The following LOX variants were observed in gnomAD, a reference collection of about 807,000 sequenced individuals.
LOX encodes the protein protein-lysine 6-oxidase.
LOX carries 12 observed loss-of-function variants against 50.5 expected under a neutral mutation model. The ratio of observed to expected loss-of-function variants is 0.24; its 90% CI spans 0.15 to 0.38. LOX has a LOEUF of 0.38. Among genes scored for constraint, LOX ranks in the 10% least tolerant of loss-of-function variants. LOX has a pLI of 1.00. For missense variants in LOX, 504 were observed against 563.8 expected, an observed-to-expected ratio of 0.89 and a Z score of 1.07; for synonymous variants, 254 against 230.6, an observed-to-expected ratio of 1.10 and a Z score of -0.92.
Position 122,077,672 on chromosome 5 carries a change from C to T in LOX, c.314G>A (p.Arg105Gln). ...GGTGACTCCAGATGAGCCGGCCGTC[C>T]GCGTTCGCGCCGCGGCGGTGCGGTT... ...RDNRTAAARTRTAGSSGVTAG... is the reference protein window; with the variant it reads ...RDNRTAAARTQTAGSSGVTAG... Residue 105 changes from arginine (R) to glutamine (Q), a missense_variant, in exon 1 of 7, where the codon CGG becomes CAG. By Grantham distance (43) the Arg-to-Gln change is conservative (BLOSUM62 1). Transcript: ENST00000231004. The surrounding 1 kb of genome is among the most constrained non-coding windows in gnomAD (Gnocchi z 4.9). 1 of 1,603,670 alleles carries T rather than the reference C, an allele frequency of 6.2e-7. No homozygotes were observed. Among genetic ancestry groups the T allele is most frequent in the African/African-American group, 1.3e-5 (1 of 74,868 alleles).
At position 122,077,889 on chromosome 5, in the gene LOX, G is replaced by T; in HGVS notation, c.97C>A (p.Arg33Ser). The change falls in exon 1 of 7, where the codon CGC (arginine) becomes AGC (serine). Residue 33 changes from arginine to serine, a missense_variant. Physicochemically the swap from Arg to Ser is moderately radical, Grantham distance 110. Coordinates refer to ENST00000231004, the MANE Select transcript of LOX (RefSeq NM_002317.7). The surrounding 1 kb of genome is among the most constrained non-coding windows in gnomAD (Gnocchi z 4.9). The stretch of plus-strand genomic sequence containing the variant: ...GCGCCCGGAGCCGCCGGCGGCTCGC[G>T]CGGGGGCTGCTGTTGGCCGGCGGCG... The part of the protein sequence containing the change: ...PPAAGQQQPP[R>S]EPPAAPGAWR... The T allele has an allele frequency of 6.5e-7, 1 of 1,532,798 alleles. No homozygotes were observed. The highest frequency in any genetic ancestry group is 2.5e-5 in the East Asian group (1 of 39,534). The allele number at this position is 1,532,798 out of a possible 1,614,324, so 94.9% of individuals were successfully genotyped here.
intron 6 of LOX, among the ~76,000 whole-genome samples, chr5:122,068,792 AAC>A (rs1754371466): frequency 6.6e-6 from 1 of 152,180 alleles, no homozygotes; most frequent in African/African-American, 2.4e-5. Context: ...GGCATCAACA[AAC>A]AGTACAAAAA....
chr5:122,070,004 C>T, intron 6 of LOX, 49 bp downstream of exon 6: 1 of 1,359,978 alleles, frequency 7.4e-7, no homozygotes, highest in Non-Finnish European at 1.1e-6. Context: ...TTGGCATGAA[C>T]AAAAATTATT....
At chr5:122,067,336 C>T in intron 6 of LOX, among the ~76,000 whole-genome samples, 1 of 151,922 alleles carries the variant, frequency 6.6e-6, no homozygotes, top group Non-Finnish European at 1.5e-5. Context: ...TATCTTATAA[C>T]TGAAAGAAGC....
intron 3 of LOX, 85 bp from the exon 4 acceptor site, chr5:122,074,254 C>T (rs1754549415): frequency 3.4e-6 from 4 of 1,185,630 alleles, no homozygotes. Context: ...CCCATGGCTT[C>T]ACAAATTTGT....
In LOX at chr5:122,077,563, G is replaced by T; in HGVS notation, c.423C>A (p.Arg141=). 1 of 1,613,086 alleles carries T rather than the reference G, an allele frequency of 6.2e-7. No individual in the cohort carries two copies. The highest frequency in any genetic ancestry group is 8.5e-7 in the Non-Finnish European group (1 of 1,179,852). Residue 141 remains arginine, a synonymous_variant, in exon 1 of 7, where the codon CGC becomes CGA. Transcript: ENST00000231004. The surrounding 1 kb of genome is among the most constrained non-coding windows in gnomAD (Gnocchi z 4.9). ...CTCCCGGCGCTGTCTGGTTCTCCGC[G>T]CGCGAGGCGCCAGCTTCGCGGGCTC... is the stretch of plus-strand genomic sequence containing the variant. ...TSRAREAGAS[R]AENQTAPGEV...
chr5:122,069,989 AATGTTTGGC>A (rs761996904), intron 6 of LOX, 55 bp downstream of exon 6: 9 of 1,129,206 alleles, frequency 8.0e-6, no homozygotes, highest in East Asian at 7.0e-5. Flanking sequence ...TTCTATGTAT[AATGTTTGGC>A]ATGAACAAAA....
chr5:122,072,502 AAG>A (rs1051326224), intron 4 of LOX, among the ~76,000 whole-genome samples: 6 of 152,138 alleles, frequency 3.9e-5, no homozygotes, highest in African/African-American at 1.2e-4. Flanking sequence ...CTCAGAACAC[AAG>A]AGTTATTAAT....
At chr5:122,068,957 C>T (rs1268115882) in intron 6 of LOX, among the ~76,000 whole-genome samples, 1 of 152,046 alleles carries the variant, frequency 6.6e-6, no homozygotes, top group Non-Finnish European at 1.5e-5. Context: ...GTTGGTTCTA[C>T]TATAACCAAC....
Position 122,077,842 on chromosome 5 carries a change from C to G in LOX, c.144G>C (p.Trp48Cys). ...AGCTGAACACCTGCCCGTTGTTCTC[C>G]CATTGGATCTGCTGGCGCCAGGCGC... The part of the protein sequence containing the change: ...APGAWRQQIQ[W>C]ENNGQVFSLL... Residue 48 changes from tryptophan to cysteine, a missense_variant, in exon 1 of 7, where the codon TGG (tryptophan) becomes TGC (cysteine). Transcript: ENST00000231004. This position sits in a 1 kb window ranked among gnomAD's most constrained non-coding sequence, Gnocchi z 4.9. 1.3e-6 allele frequency: 2 copies of G among 1,549,616 alleles called. No individual in the cohort carries two copies. The highest frequency in any genetic ancestry group is 1.7e-6 in the Non-Finnish European group (2 of 1,152,706).
At chr5:122,070,208 T>C (rs575168179) in intron 5 of LOX, 40 bp from the exon 6 acceptor site, 3 of 1,126,334 alleles carry the variant, frequency 2.7e-6, no homozygotes, top group South Asian at 1.2e-5. Context: ...TCTTTTTCCA[T>C]AGGGCTACAA....
rs749454059 is a variant in LOX at position 122,077,379 on chromosome 5, A to G, written c.607T>C (p.Tyr203His). ...PRPGGRYRPGYGTGYFQYGLP... is the reference protein window; with the variant it reads ...PRPGGRYRPGHGTGYFQYGLP... ...CCGTACTGGAAGTAGCCAGTGCCGT[A>G]TCCGGGCCGGTACCTGCCCCCAGGT... The change falls in exon 1 of 7, where the codon TAC becomes CAC. Residue 203 changes from tyrosine (Y) to histidine (H), a missense_variant. Tyr to His is a moderately conservative substitution (Grantham distance 83, BLOSUM62 2). Coordinates refer to ENST00000231004, the MANE Select transcript of LOX (RefSeq NM_002317.7). The surrounding 1 kb of genome is among the most constrained non-coding windows in gnomAD (Gnocchi z 4.9). 6 of 1,613,944 alleles carry G rather than the reference A, an allele frequency of 3.7e-6. No individual in the cohort carries two copies. The Admixed American group carries it at 8.3e-5, about 22-fold the overall frequency.
At chr5:122,075,374 CA>C in intron 3 of LOX, 29 bp downstream of exon 3, 1 of 1,555,856 alleles carries the variant, frequency 6.4e-7, no homozygotes, top group South Asian at 1.2e-5. Context: ...AAAAGCAACC[CA>C]AAAGTACCCA....
At position 122,077,596 on chromosome 5, in the gene LOX, C is replaced by G. The variant is rs776823071; in HGVS notation, c.390G>C (p.Ser130=). 3.7e-6 allele frequency: 6 copies of G among 1,612,428 alleles called. No individual in the cohort carries two copies. Among genetic ancestry groups the G allele is most frequent in the East Asian group, 2.2e-5 (1 of 44,870 alleles). ...CGCCAGCTTCGCGGGCTCTAGATGT[C>G]GAGTAGCCAGCTTGGAACCAGTGAC... ...TARHWFQAGY[S]TSRAREAGAS... Residue 130 remains serine (S), a synonymous_variant, in exon 1 of 7, where the codon TCG becomes TCC. Coordinates refer to ENST00000231004, the MANE Select transcript of LOX (RefSeq NM_002317.7). The surrounding 1 kb of genome is among the most constrained non-coding windows in gnomAD (Gnocchi z 4.9).
intron 6 of LOX, 66 bp downstream of exon 6, chr5:122,069,987 A>T: frequency 9.0e-7 from 1 of 1,113,224 alleles, no homozygotes; most frequent in Non-Finnish European, 1.4e-6. Flanking sequence ...CATTCTATGT[A>T]TAATGTTTGG....
At position 122,077,947 on chromosome 5, in the gene LOX, C is replaced by G; in HGVS notation, c.39G>C (p.Leu13Phe). The G allele has an allele frequency of 6.7e-7, 1 of 1,486,558 alleles. No homozygotes were observed. The highest frequency in any genetic ancestry group is 8.9e-7 in the Non-Finnish European group (1 of 1,128,638). The allele number at this position is 1,486,558 out of a possible 1,614,324, so 92.1% of individuals were successfully genotyped here. Residue 13 changes from leucine to phenylalanine, a missense_variant, in exon 1 of 7, where the codon TTG becomes TTC. By Grantham distance (22) the Leu-to-Phe change is conservative. Coordinates refer to ENST00000231004, the MANE Select transcript of LOX (RefSeq NM_002317.7). This position sits in a 1 kb window ranked among gnomAD's most constrained non-coding sequence, Gnocchi z 4.9. ...FAWTVLLLGP[L>F]QLCALVHCAP... ...CGCAGTGCACTAGCGCGCAGAGCTG[C>G]AAAGGCCCGAGCAGGAGCACGGTCC...
intron 4 of LOX, 174 bp from the exon 5 acceptor site, chr5:122,070,763 C>G: frequency 2.2e-6 from 1 of 462,754 alleles, no homozygotes; most frequent in Non-Finnish European, 3.8e-6. Context: ...CTTATAGCAC[C>G]TCCAGCTAAA....
Position 122,077,956 on chromosome 5 carries a change from G to C in LOX, c.30C>G (p.Leu10=). Residue 10 remains leucine, a synonymous_variant, in exon 1 of 7, where the codon CTC becomes CTG. Transcript: ENST00000231004. The surrounding 1 kb of genome is among the most constrained non-coding windows in gnomAD (Gnocchi z 4.9). ...CTAGCGCGCAGAGCTGCAAAGGCCCGAGCAGGAGCACGGTCCAGGCGAAGC... is the reference window on the plus strand; with the variant it reads ...CTAGCGCGCAGAGCTGCAAAGGCCCCAGCAGGAGCACGGTCCAGGCGAAGC... MRFAWTVLL[L]GPLQLCALVH... is the part of the protein sequence containing the mutation. 1 of 1,477,186 alleles carries C rather than the reference G, an allele frequency of 6.8e-7. No homozygotes were observed. The highest frequency in any genetic ancestry group is 8.9e-7 in the Non-Finnish European group (1 of 1,122,630). The allele number at this position is 1,477,186 out of a possible 1,614,324, so 91.5% of individuals were successfully genotyped here. A position where few individuals can be genotyped will look rare whatever the true frequency, so the allele number is the denominator to read the frequency against.
chr5:122,071,753 T>A (rs1410654368), intron 4 of LOX, among the ~76,000 whole-genome samples: 1 of 152,198 alleles, frequency 6.6e-6, no homozygotes. Context: ...GCAACCAATA[T>A]TGCTTTGCTG....
Sources: gnomAD v4.1 joint callset for allele counts (sites outside exome capture counted in the v4.1 genomes callset) on GRCh38, gnomAD v4.1.1 for gene constraint, Gnocchi (gnomAD v3.1) non-coding constraint, MANE v1.5 for transcripts, NCBI Gene and HGNC (gene_info 2026-07-23, HGNC 2026-07-21) for gene names.